ABLIM3: variants seen among roughly 807,000 people sequenced by gnomAD.
The protein encoded by ABLIM3 is actin binding LIM protein family member 3, also known as actin-binding LIM protein 3.
Under a neutral mutation model 109.5 loss-of-function variants are expected in ABLIM3, and 61 were observed. The observed-to-expected ratio is 0.56, with a 90% CI of 0.45 to 0.69. The LOEUF (loss-of-function observed/expected upper bound fraction) is 0.69. Among genes scored for constraint, ABLIM3 ranks in the 30% least tolerant of loss-of-function variants. The pLI is 0.00. For missense variants in ABLIM3, 796 were observed against 889.5 expected, an observed-to-expected ratio of 0.89 and a Z score of 1.34; for synonymous variants, 300 against 324.8, an observed-to-expected ratio of 0.92 and a Z score of 0.82.
chr5:149,166,761 G>A (rs1295734660), intron 2 of ABLIM3, among the ~76,000 whole-genome samples: 3 of 152,352 alleles, frequency 2.0e-5, no homozygotes, highest in Middle Eastern at 3.4e-3. Context: ...AGGACCACAT[G>A]GTGAGTATCT....
intron 3 of ABLIM3, among the ~76,000 whole-genome samples, chr5:149,196,109 A>ACTATC (rs1757951163): frequency 6.7e-6 from 1 of 149,838 alleles, no homozygotes; most frequent in African/African-American, 2.5e-5. Context: ...GGGTGGTCTG[A>ACTATC]CTATCAGACC....
At position 149,216,948 on chromosome 5, in the gene ABLIM3, C is replaced by T. The variant is rs748019202; in HGVS notation, c.670-11C>T. ...GCTCTGACCTCCTGTTTCATCTTTT[C>T]ATTTCCATAGGCAGGAGGGAAGCAC... On this transcript the variant is annotated splice_polypyrimidine_tract_variant and intron_variant, in intron 7 of 23. Transcript: ENST00000309868. 4.3e-6 allele frequency: 7 copies of T among 1,613,520 alleles called. No homozygotes were observed. Among genetic ancestry groups the T allele is most frequent in the Non-Finnish European group, 5.1e-6 (6 of 1,179,442 alleles).
At chr5:149,199,483 C>T (rs1758298951) in intron 4 of ABLIM3, among the ~76,000 whole-genome samples, 1 of 152,212 alleles carries the variant, frequency 6.6e-6, no homozygotes, top group African/African-American at 2.4e-5. Flanking sequence ...GAGGTTAGCA[C>T]AGAGGGTTCC....
intron 2 of ABLIM3, among the ~76,000 whole-genome samples, chr5:149,169,568 C>T (rs1455090067): frequency 6.6e-6 from 1 of 152,172 alleles, no homozygotes; most frequent in Admixed American, 6.5e-5. Context: ...ATTCCCTCCC[C>T]AAGTCAGGAA....
In ABLIM3 at chr5:149,247,868, G is replaced by A; in HGVS notation, c.1638G>A (p.Arg546=). The change falls in exon 18 of 24, where the codon CGG becomes CGA. Residue 546 remains arginine (R), a synonymous_variant. Coordinates refer to ENST00000309868, the MANE Select transcript of ABLIM3 (RefSeq NM_014945.5). ...SSYADPWTPP[R]SSTSSREALH... ...ATGCAGATCCCTGGACCCCTCCCCG[G>A]AGCTCCACCAGCAGCCGGGAAGCCC... 1 of 1,614,200 alleles carries A rather than the reference G, an allele frequency of 6.2e-7. No homozygotes were observed.
At chr5:149,175,902 G>A (rs535507190) in intron 2 of ABLIM3, among the ~76,000 whole-genome samples, 65 of 152,278 alleles carry the variant, frequency 4.3e-4, no homozygotes, top group African/African-American at 1.5e-3. Context: ...AAGGCAGCAC[G>A]AGCCGTGTTG....
At chr5:149,235,643 C>T (rs1057487340) in intron 10 of ABLIM3, among the ~76,000 whole-genome samples, 2 of 152,170 alleles carry the variant, frequency 1.3e-5, no homozygotes, top group Non-Finnish European at 2.9e-5. Context: ...ATGCCAAGAG[C>T]TCTCAAGGTC....
At chr5:149,204,808 C>A (rs995352781) in intron 5 of ABLIM3, among the ~76,000 whole-genome samples, 1 of 152,176 alleles carries the variant, frequency 6.6e-6, no homozygotes, top group Non-Finnish European at 1.5e-5. Flanking sequence ...CTCTCCTGGG[C>A]CAATTTCCCA....
intron 23 of ABLIM3, among the ~76,000 whole-genome samples, chr5:149,253,948 A>T (rs1376284012): frequency 1.3e-5 from 2 of 152,216 alleles, no homozygotes; most frequent in African/African-American, 4.8e-5. Flanking sequence ...CCTCACAATC[A>T]TGGTGGAAGG....
At position 149,259,577 on chromosome 5, in the gene ABLIM3, A is replaced by G; in HGVS notation, c.*1173A>G. 1 of 1,536,138 alleles carries G rather than the reference A, an allele frequency of 6.5e-7. No homozygotes were observed. The highest frequency in any genetic ancestry group is 1.2e-5 in the South Asian group (1 of 84,054). On this transcript the variant is annotated 3_prime_UTR_variant, in exon 24 of 24. Transcript: ENST00000309868. Reference sequence around the variant, plus strand: ...TTTTGGAAGAGTGGCTGCTTATGAGATTCCAAAATGAAGTGTTGGCCAACA... The same window carrying G: ...TTTTGGAAGAGTGGCTGCTTATGAGGTTCCAAAATGAAGTGTTGGCCAACA...
chr5:149,258,893 C>T lies in ABLIM3; in HGVS notation c.*489C>T. ...GCGCCCACGAAGAACTTTCTCAACA[C>T]CCCCAATTAGGAGCTCAGTGCTCTC... On this transcript the variant is annotated 3_prime_UTR_variant, in exon 24 of 24. Coordinates refer to ENST00000309868, the MANE Select transcript of ABLIM3 (RefSeq NM_014945.5). The T allele has an allele frequency of 1.0e-6, 1 of 989,996 alleles. No homozygotes were observed. The highest frequency in any genetic ancestry group is 1.2e-6 in the Non-Finnish European group (1 of 833,026). The allele number at this position is 989,996 out of a possible 1,614,324, so 61.3% of individuals were successfully genotyped here.
At chr5:149,238,903 C>T (rs1752504142) in intron 11 of ABLIM3, among the ~76,000 whole-genome samples, 1 of 151,930 alleles carries the variant, frequency 6.6e-6, no homozygotes, top group East Asian at 1.9e-4. Flanking sequence ...AGTAGAGAGA[C>T]AAGGAAAGGG....
chr5:149,192,624 CAAAAAAAAAAAAGAAAA>C (rs1026939206), intron 3 of ABLIM3, among the ~76,000 whole-genome samples: 3 of 50,194 alleles, frequency 6.0e-5, no homozygotes, highest in African/African-American at 1.6e-4. Context: ...GACTCCGTCT[CAAAAAAAAAAAAGAAAA>C]AAAAAAAAAA....
At position 149,259,613 on chromosome 5, in the gene ABLIM3, C is replaced by G. The variant is rs1423971221; in HGVS notation, c.*1209C>G. 6.5e-7 allele frequency: 1 copy of G among 1,531,978 alleles called. No homozygotes were observed. Among genetic ancestry groups the G allele is most frequent in the Admixed American group, 2.0e-5 (1 of 51,002 alleles). 94.9% of individuals were successfully genotyped at this position (1,531,978 alleles called of 1,614,324 possible). A position where few individuals can be genotyped will look rare whatever the true frequency, so the allele number is the denominator to read the frequency against. On this transcript the variant is annotated 3_prime_UTR_variant, in exon 24 of 24. Transcript: ENST00000309868. ...AAGTGTTGGCCAACACCGCTCATGG[C>G]CATCCTGGATTTTCCCAGTGGCTTC...
chr5:149,192,754 C>T (rs762964172), intron 3 of ABLIM3, among the ~76,000 whole-genome samples: 48 of 151,972 alleles, frequency 3.2e-4, no homozygotes, highest in Non-Finnish European at 5.1e-4. Context: ...TCATCAATAG[C>T]CATTTCTACT....
rs145562314 is a variant in ABLIM3 at position 149,205,416 on chromosome 5, A to G, written c.449-1592A>G. 1.1e-3 allele frequency among the ~76,000 whole-genome samples: 171 copies of G among 152,272 alleles called. 2 individuals are homozygous for G. The East Asian group carries it at 0.027, about 24-fold the overall frequency. ...AATACTCTGTGAACTCCAAACCCCT[A>G]TGGAATTTTTAGGCCCTGCTGGGGA... On this transcript the variant is annotated intron_variant, in intron 5 of 23. Coordinates refer to ENST00000309868, the MANE Select transcript of ABLIM3 (RefSeq NM_014945.5).
Position 149,258,274 on chromosome 5 carries a change from T to G in ABLIM3, c.1939-17T>G. 3 of 1,299,976 alleles carry G rather than the reference T, an allele frequency of 2.3e-6. No individual in the cohort carries two copies. The highest frequency in any genetic ancestry group is 2.2e-6 in the Non-Finnish European group (2 of 908,506). The allele number at this position is 1,299,976 out of a possible 1,614,324, so 80.5% of individuals were successfully genotyped here. On this transcript the variant is annotated splice_polypyrimidine_tract_variant and intron_variant, in intron 23 of 23. Coordinates refer to ENST00000309868, the MANE Select transcript of ABLIM3 (RefSeq NM_014945.5). ...CTTTCTCTGTCCCCCCACCCCCGCCTGCCCTGCCTCCTTCAGCGCCACCTG... is the reference window on the plus strand; with the variant it reads ...CTTTCTCTGTCCCCCCACCCCCGCCGGCCCTGCCTCCTTCAGCGCCACCTG...
rs759043102 is a variant in ABLIM3 at position 149,259,603 on chromosome 5, C to A, written c.*1199C>A. On this transcript the variant is annotated 3_prime_UTR_variant, in exon 24 of 24. Transcript: ENST00000309868. Reference sequence around the variant, plus strand: ...TTCCAAAATGAAGTGTTGGCCAACACCGCTCATGGCCATCCTGGATTTTCC... The same window carrying A: ...TTCCAAAATGAAGTGTTGGCCAACAACGCTCATGGCCATCCTGGATTTTCC... The A allele has an allele frequency of 9.6e-5, 147 of 1,533,854 alleles. No homozygotes were observed. Among genetic ancestry groups the A allele is most frequent in the Non-Finnish European group, 1.2e-4 (132 of 1,144,916 alleles).
At chr5:149,210,880 T>C in intron 7 of ABLIM3, 61 bp downstream of exon 7, 1 of 1,491,714 alleles carries the variant, frequency 6.7e-7, no homozygotes, top group Non-Finnish European at 9.4e-7. Flanking sequence ...CAAAAAGTCA[T>C]CACAGAAGAA....
Sources: gnomAD v4.1 joint callset for allele counts (sites outside exome capture counted in the v4.1 genomes callset) on GRCh38, gnomAD v4.1.1 for gene constraint, MANE v1.5 for transcripts, NCBI Gene and HGNC (gene_info 2026-07-23, HGNC 2026-07-21) for gene names.